The following LARGE1 variants were observed in gnomAD, a reference collection of about 807,000 sequenced individuals.
LARGE1 encodes the protein LARGE xylosyl- and glucuronyltransferase 1.
In LARGE1, 43 loss-of-function variants were observed where a neutral mutation model predicts 87.6. The ratio of observed to expected loss-of-function variants is 0.49; its 90% CI spans 0.38 to 0.63. The LOEUF is 0.63. LARGE1 is among the 30% of genes least tolerant of loss of function. The pLI, the probability that LARGE1 is intolerant of heterozygous loss-of-function variation, is 0.00. For missense variants in LARGE1, 802 were observed against 1,000.2 expected (o/e 0.80, Z 2.67); for synonymous variants, 434 against 394.6 (o/e 1.10, Z -1.18).
At chr22:33,623,374 T>C (rs2079816374) in intron 4 of LARGE1, among the ~76,000 whole-genome samples, 1 of 152,180 alleles carries the variant, frequency 6.6e-6, no homozygotes, top group Non-Finnish European at 1.5e-5. Flanking sequence ...TCAAGCCCCA[T>C]TTGGCCATTC....
chr22:33,271,948 G>C (rs1928275769), downstream of LARGE1, among the ~76,000 whole-genome samples: 1 of 152,176 alleles, frequency 6.6e-6, no homozygotes, highest in African/African-American at 2.4e-5. Flanking sequence ...TGTACGTGAA[G>C]GTACATCATC....
intron 6 of LARGE1, among the ~76,000 whole-genome samples, chr22:33,509,947 C>G (rs1488493606): frequency 2.6e-5 from 4 of 152,154 alleles, no homozygotes; most frequent in Admixed American, 2.6e-4. Context: ...TCTCGCCGCT[C>G]CCCTGTGAGC....
intron 11 of LARGE1, among the ~76,000 whole-genome samples, chr22:33,314,052 C>T (rs573522341): frequency 2.0e-5 from 3 of 152,150 alleles, no homozygotes; most frequent in African/African-American, 4.8e-5. Flanking sequence ...GAACGGTGAG[C>T]GGTATTTGCC....
rs563663806 is a variant in LARGE1 at position 33,463,830 on chromosome 22, G to A, written c.788-31565C>T. On this transcript the variant is annotated intron_variant, in intron 6 of 14. Coordinates refer to ENST00000397394, the MANE Select transcript of LARGE1 (RefSeq NM_133642.5). ...TAGGATTACAGGTGCCTGCTACCAC[G>A]CTCAGCTAATTTTTGTATTTTTTAG... Among the ~76,000 whole-genome samples, 12 of 152,172 alleles carry A rather than the reference G, an allele frequency of 7.9e-5. 1 individual carries two copies. In the South Asian group the frequency reaches 1.5e-3, roughly 18 times the overall value.
At chr22:33,551,865 G>A (rs8135091) in intron 6 of LARGE1, among the ~76,000 whole-genome samples, 21,612 of 151,752 alleles carry the variant, frequency 0.14, 2,544 homozygotes, top group African/African-American at 0.33. Context: ...GTGATGATGG[G>A]CGCCTGTAGT....
chr22:33,569,926 C>T (rs5999016), intron 5 of LARGE1, among the ~76,000 whole-genome samples: 31,073 of 152,246 alleles, frequency 0.2, 6,225 homozygotes, highest in African/African-American at 0.52. Flanking sequence ...TGCATGACTA[C>T]GGAGTCAGCC....
chr22:33,301,610 G>C (rs974174969), intron 12 of LARGE1, among the ~76,000 whole-genome samples: 29 of 152,198 alleles, frequency 1.9e-4, no homozygotes, highest in African/African-American at 7.0e-4. Context: ...GGCTCCCTGA[G>C]ACCAGGGCTC....
At chr22:33,087,420 T>G in the LARGE1 span, among the ~76,000 whole-genome samples, 1 of 152,138 alleles carries the variant, frequency 6.6e-6, no homozygotes, top group Non-Finnish European at 1.5e-5. Flanking sequence ...AAAAAACATT[T>G]AAACTGAATC....
At chr22:33,343,417 C>T (rs994161707) in intron 9 of LARGE1, among the ~76,000 whole-genome samples, 4 of 152,080 alleles carry the variant, frequency 2.6e-5, no homozygotes, top group Admixed American at 1.3e-4. Context: ...CATCTGCATC[C>T]GGCCAGGCCA....
chr22:33,354,365 TAC>T (rs1193960042), intron 9 of LARGE1, among the ~76,000 whole-genome samples: 2 of 152,188 alleles, frequency 1.3e-5, no homozygotes, highest in African/African-American at 2.4e-5. Context: ...TAAAAAAAAT[TAC>T]AGTCTTCACT....
chr22:33,070,380 G>A, the LARGE1 span, among the ~76,000 whole-genome samples: 1 of 152,182 alleles, frequency 6.6e-6, no homozygotes, highest in Non-Finnish European at 1.5e-5. Context: ...GGGATATCAG[G>A]CAATGTCTAG....
At chr22:33,475,424 A>ATT (rs2069030502) in intron 6 of LARGE1, among the ~76,000 whole-genome samples, 136 of 135,296 alleles carry the variant, frequency 1.0e-3, no homozygotes, top group Middle Eastern at 3.7e-3. Flanking sequence ...TCAGTGAGTC[A>ATT]TATTTATTTA....
intron 4 of LARGE1, 139 bp downstream of exon 4, chr22:33,626,105 G>C: frequency 1.4e-6 from 1 of 729,942 alleles, no homozygotes; most frequent in African/African-American, 1.7e-5. Flanking sequence ...ATCTCCTCAG[G>C]GTTTCAGACA....
chr22:33,465,255 TA>T (rs1445546033), intron 6 of LARGE1, among the ~76,000 whole-genome samples: 1 of 152,152 alleles, frequency 6.6e-6, no homozygotes, highest in Non-Finnish European at 1.5e-5. Context: ...GCAAAAGAAA[TA>T]CATATTGCTT....
the LARGE1 span, among the ~76,000 whole-genome samples, chr22:33,069,734 C>T: frequency 8.9e-4 from 135 of 152,110 alleles, 1 homozygote; most frequent in African/African-American, 3.1e-3. Context: ...TAGGCACTGA[C>T]CTAGGAGCTC....
chr22:33,528,159 C>G (rs550751644), intron 6 of LARGE1, among the ~76,000 whole-genome samples: 92 of 151,956 alleles, frequency 6.1e-4, no homozygotes, highest in Admixed American at 2.2e-3. Flanking sequence ...TAAAATCTCA[C>G]AAAATGTCCA....
intron 2 of LARGE1, among the ~76,000 whole-genome samples, chr22:33,658,800 G>A (rs1422349484): frequency 6.6e-6 from 1 of 152,098 alleles, no homozygotes; most frequent in Admixed American, 6.6e-5. Context: ...TGGGTTTTCA[G>A]CATTTTTAAA....
At chr22:33,069,686 A>T in the LARGE1 span, among the ~76,000 whole-genome samples, 4,040 of 152,268 alleles carry the variant, frequency 0.027, 182 homozygotes, top group African/African-American at 0.094. Context: ...AGCTAATATG[A>T]TCCATCAACA....
intron 7 of LARGE1, among the ~76,000 whole-genome samples, chr22:33,419,017 G>A (rs748822924): frequency 1.3e-5 from 2 of 152,056 alleles, no homozygotes; most frequent in Non-Finnish European, 2.9e-5. Flanking sequence ...AGACATTCCC[G>A]AGACTGGGTA....
Sources: allele counts gnomAD v4.1 joint callset (sites outside exome capture counted in the v4.1 genomes callset), GRCh38; gene constraint gnomAD v4.1.1; transcripts MANE v1.5; gene names NCBI Gene and HGNC (gene_info 2026-07-23, HGNC 2026-07-21).